Variants in TDRD10 observed in about 807,000 individuals in gnomAD.
The protein encoded by TDRD10 is tudor domain containing 10.
Under a neutral mutation model 48.0 loss-of-function variants are expected in TDRD10, and 40 were observed. That is an observed-to-expected ratio of 0.83 (90% CI 0.65 to 1.09). The LOEUF (loss-of-function observed/expected upper bound fraction) is 1.09, where lower values mean the gene tolerates loss of function less well. TDRD10 is among the 50% of genes least tolerant of loss of function. TDRD10 has a pLI of 0.00. For missense variants in TDRD10, 378 were observed against 434.7 expected (o/e 0.87, Z 1.16); for synonymous variants, 162 against 170.4 (o/e 0.95, Z 0.38).
intron 6 of TDRD10, among the ~76,000 whole-genome samples, chr1:154,533,896 T>A (rs866840524): frequency 0.22 from 28,588 of 127,764 alleles, 2,945 homozygotes; most frequent in South Asian, 0.28. Flanking sequence ...TATATATATT[T>A]TTTTTTAATT....
intron 3 of TDRD10, among the ~76,000 whole-genome samples, chr1:154,507,892 A>T (rs1693239311): frequency 6.6e-6 from 1 of 151,936 alleles, no homozygotes; most frequent in Non-Finnish European, 1.5e-5. Context: ...GATTCCCTTC[A>T]GCCTCCCTCC....
intron 5 of TDRD10, among the ~76,000 whole-genome samples, chr1:154,520,977 G>T (rs1694024691): frequency 6.6e-6 from 1 of 152,190 alleles, no homozygotes; most frequent in South Asian, 2.1e-4. Context: ...GGGCTCAAGC[G>T]ATCCGCCTGT....
chr1:154,540,544 A>G (rs1034780074), intron 6 of TDRD10, among the ~76,000 whole-genome samples: 5 of 148,706 alleles, frequency 3.4e-5, no homozygotes, highest in Non-Finnish European at 7.4e-5. Context: ...CGTTCACTCA[A>G]ATGGAGAAAG....
At chr1:154,523,914 C>T (rs1273086324) in intron 6 of TDRD10, among the ~76,000 whole-genome samples, 1 of 152,204 alleles carries the variant, frequency 6.6e-6, no homozygotes, top group South Asian at 2.1e-4. Context: ...TATGTCCAAT[C>T]TGCTCTTAAG....
At chr1:154,515,286 C>T (rs371732019) in intron 4 of TDRD10, among the ~76,000 whole-genome samples, 1 of 152,150 alleles carries the variant, frequency 6.6e-6, no homozygotes, top group East Asian at 1.9e-4. Context: ...GTATGAGCCA[C>T]CGCACCCAGC....
rs1695317196 is a variant in TDRD10 at position 154,542,802 on chromosome 1, G to C, written c.484G>C (p.Ala162Pro). Residue 162 changes from alanine (A) to proline (P), a missense_variant, in exon 8 of 13, where the codon GCA becomes CCA. This residue lies in a region of TDRD10 where 310 missense variants were observed against 323.6 expected (regional missense o/e 0.96). Transcript: ENST00000368482. The part of the protein sequence containing the change: ...ETEKLRAAFF[A>P]VPLEMRGSFL... ...AGAGAAACTGAGGGCAGCCTTCTTTGCAGTCCCGTTGGAAATGAGGTGAGC... is the reference window on the plus strand; with the variant it reads ...AGAGAAACTGAGGGCAGCCTTCTTTCCAGTCCCGTTGGAAATGAGGTGAGC... 1 of 1,613,816 alleles carries C rather than the reference G, an allele frequency of 6.2e-7. No individual in the cohort carries two copies.
chr1:154,537,739 A>G (rs897009715), intron 6 of TDRD10, among the ~76,000 whole-genome samples: 1 of 152,178 alleles, frequency 6.6e-6, no homozygotes. Flanking sequence ...CCTTCTGGCC[A>G]CCAACCTTTG....
intron 4 of TDRD10, among the ~76,000 whole-genome samples, chr1:154,514,874 A>ATTTATTTATTTT (rs1693670259): frequency 6.6e-6 from 1 of 150,866 alleles, no homozygotes. Flanking sequence ...TTATTTATTT[A>ATTTATTTATTTT]TTTTTTTTTT....
At chr1:154,539,060 C>T (rs1161842586) in intron 6 of TDRD10, among the ~76,000 whole-genome samples, 5 of 152,166 alleles carry the variant, frequency 3.3e-5, no homozygotes, top group Non-Finnish European at 7.4e-5. Flanking sequence ...AAGTAACTCA[C>T]CCAGACTTAA....
intron 5 of TDRD10, among the ~76,000 whole-genome samples, chr1:154,520,613 G>T (rs1374067379): frequency 2.0e-5 from 3 of 152,150 alleles, no homozygotes; most frequent in Non-Finnish European, 4.4e-5. Flanking sequence ...TATATTTTTG[G>T]TCATGTCCTT....
chr1:154,506,639 G>T (rs1196736617), intron 1 of TDRD10, among the ~76,000 whole-genome samples: 1 of 152,220 alleles, frequency 6.6e-6, no homozygotes, highest in Non-Finnish European at 1.5e-5. Context: ...GCCTCCCAAA[G>T]TGTTGGGGTT....
chr1:154,517,840 C>T lies in TDRD10; in HGVS notation c.142-2464C>T, dbSNP rs559891182. Among the ~76,000 whole-genome samples the T allele has an allele frequency of 7.9e-5, 12 of 152,270 alleles. No homozygotes were observed. In the South Asian group the frequency reaches 2.1e-3, roughly 26 times the overall value. On this transcript the variant is annotated intron_variant, in intron 4 of 12. Coordinates refer to ENST00000368482, the MANE Select transcript of TDRD10 (RefSeq NM_182499.4). ...ACCGGCTTGTACGCATATCGGTGTGCGAGGTGCGAGTGCCTCTGGGACCTG... is the reference window on the plus strand; with the variant it reads ...ACCGGCTTGTACGCATATCGGTGTGTGAGGTGCGAGTGCCTCTGGGACCTG...
chr1:154,509,986 A>C, intron 4 of TDRD10: 1 of 488,068 alleles, frequency 2.0e-6, no homozygotes, highest in Non-Finnish European at 2.7e-6. Flanking sequence ...TGGTAAGGGA[A>C]CGTTTCATCC....
intron 6 of TDRD10, among the ~76,000 whole-genome samples, chr1:154,530,655 A>G (rs1256781016): frequency 1.3e-5 from 2 of 151,388 alleles, no homozygotes; most frequent in African/African-American, 4.9e-5. Context: ...TAATTGTGAT[A>G]TGTCTTGGCA....
intron 4 of TDRD10, among the ~76,000 whole-genome samples, chr1:154,510,240 T>TAA (rs34841605): frequency 2.3e-4 from 32 of 137,768 alleles, no homozygotes; most frequent in Non-Finnish European, 4.0e-4. Context: ...CCACATCTCT[T>TAA]AAAAAAAAAA....
chr1:154,535,596 C>G (rs933129714), intron 6 of TDRD10, among the ~76,000 whole-genome samples: 2 of 151,336 alleles, frequency 1.3e-5, no homozygotes, highest in Non-Finnish European at 2.9e-5. Context: ...GGGAGGATCA[C>G]TTGACCTGAA....
At chr1:154,544,697 C>A (rs1456309104) in intron 10 of TDRD10, 98 bp from the exon 11 acceptor site, 6 of 1,520,796 alleles carry the variant, frequency 3.9e-6, no homozygotes, top group African/African-American at 2.7e-5. Flanking sequence ...CGCTCTTCCT[C>A]CCTCCTACCT....
chr1:154,544,394 C>T lies in TDRD10; in HGVS notation c.674C>T (p.Ala225Val), dbSNP rs1310228800. The T allele has an allele frequency of 6.3e-7, 1 of 1,592,166 alleles. No individual in the cohort carries two copies. The highest frequency in any genetic ancestry group is 1.1e-5 in the South Asian group (1 of 87,694). The change falls in exon 10 of 13, where the codon GCT becomes GTT. Residue 225 changes from alanine (A) to valine (V), a missense_variant. Transcript: ENST00000368482. ...CAGGCTCTGCACCAGAACATGCAGG[C>T]TCTGTTTAGCACCCTGGCTCAGGCG... The part of the protein sequence containing the change: ...VTEALHQNMQ[A>V]LFSTLAQAEE...
At chr1:154,527,006 T>TTCAAGCAATTCTCCCTGCC (rs1267585296) in intron 6 of TDRD10, among the ~76,000 whole-genome samples, 1 of 151,842 alleles carries the variant, frequency 6.6e-6, no homozygotes, top group Non-Finnish European at 1.5e-5. Context: ...GCCTTCTGGG[T>TTCAAGCAATTCTCCCTGCC]TCAAGCAATT....
Sources: gnomAD v4.1 joint callset for allele counts (sites outside exome capture counted in the v4.1 genomes callset) on GRCh38, gnomAD v4.1.1 for gene constraint, gnomAD v4.1.1 regional missense constraint, MANE v1.5 for transcripts, NCBI Gene and HGNC (gene_info 2026-07-23, HGNC 2026-07-21) for gene names.